PCDHGB1: variants seen among roughly 807,000 people sequenced by gnomAD.
The protein encoded by PCDHGB1 is protocadherin gamma subfamily B, 1.
Under a neutral mutation model 56.6 loss-of-function variants are expected in PCDHGB1, and 34 were observed. That is an observed-to-expected ratio of 0.60 (90% CI 0.46 to 0.80). The LOEUF (loss-of-function observed/expected upper bound fraction) is 0.80. Ranked by LOEUF, PCDHGB1 falls within the 30% of genes least tolerant of loss-of-function variation. PCDHGB1 has a pLI of 0.00. For synonymous variants in PCDHGB1, 561 were observed against 505.9 expected, an observed-to-expected ratio of 1.11 and a Z score of -1.46; for missense variants, 1,278 against 1,204.6, an observed-to-expected ratio of 1.06 and a Z score of -0.90.
rs1028782991 is a variant in PCDHGB1, at chr5:141,503,926, C to T, written c.2469-1467C>T. 2.6e-5 allele frequency among the ~76,000 whole-genome samples: 4 copies of T among 152,196 alleles called. No individual in the cohort carries two copies. The East Asian group carries it at 7.7e-4, about 29-fold the overall frequency. ...ACACACAACGCAACACACACACAGA[C>T]ATTTTCATGCCTTCAAGGCCTACCC... On this transcript the variant is annotated intron_variant, in intron 2 of 3. Coordinates refer to ENST00000523390, the MANE Select transcript of PCDHGB1 (RefSeq NM_018922.3).
chr5:141,421,530 C>T (rs377652360), intron 1 of PCDHGB1: 274 of 1,613,922 alleles, frequency 1.7e-4, no homozygotes, highest in Non-Finnish European at 2.3e-4. Flanking sequence ...AGACGGTGTC[C>T]TCCTGTTTTT....
chr5:141,376,914 C>G (rs1025348102), intron 1 of PCDHGB1: 2 of 179,598 alleles, frequency 1.1e-5, no homozygotes, highest in Non-Finnish European at 2.3e-5. Flanking sequence ...GTCTCGATCT[C>G]CTGACCTCAT....
intron 1 of PCDHGB1, chr5:141,403,602 G>A (rs761454619): frequency 5.0e-6 from 8 of 1,613,800 alleles, no homozygotes; most frequent in Non-Finnish European, 5.9e-6. Context: ...GCCTCGGATG[G>A]CGGCGAGCCG....
At chr5:141,369,790 A>G (rs1005074497) in intron 1 of PCDHGB1, among the ~76,000 whole-genome samples, 2 of 152,248 alleles carry the variant, frequency 1.3e-5, no homozygotes, top group African/African-American at 4.8e-5. Flanking sequence ...TCTTTATACT[A>G]CGTCTTCTGC....
intron 1 of PCDHGB1, chr5:141,355,229 A>T (rs1759766988): frequency 6.2e-7 from 1 of 1,611,188 alleles, no homozygotes. Context: ...CGCCCAGACC[A>T]CACCCGGCTG....
intron 1 of PCDHGB1, chr5:141,357,599 C>T (rs1279511012): frequency 6.2e-7 from 1 of 1,613,924 alleles, no homozygotes; most frequent in African/African-American, 1.3e-5. Flanking sequence ...TTACTTGAAA[C>T]AAAAGGAGAC....
At chr5:141,413,329 A>G (rs762420040) in intron 1 of PCDHGB1, 1 of 1,613,966 alleles carries the variant, frequency 6.2e-7, no homozygotes, top group Non-Finnish European at 8.5e-7. Context: ...CGTGGGCAAC[A>G]TCTCCAAGGA....
intron 1 of PCDHGB1, among the ~76,000 whole-genome samples, chr5:141,358,120 G>T (rs1004633411): frequency 5.9e-5 from 9 of 152,162 alleles, no homozygotes; most frequent in Non-Finnish European, 1.3e-4. Flanking sequence ...AACCTGGGAG[G>T]CAGAGGTTGC....
In PCDHGB1 at chr5:141,350,826, C is replaced by T. The variant is rs781126362; in HGVS notation, c.566C>T (p.Pro189Leu). The T allele has an allele frequency of 1.5e-5, 25 of 1,613,976 alleles. No homozygotes were observed. Among genetic ancestry groups the T allele is most frequent in the Middle Eastern group, 3.3e-4 (2 of 6,062 alleles). The change falls in exon 1 of 4, where the codon CCG becomes CTG. Residue 189 changes from proline to leucine, a missense_variant. By Grantham distance (98) the Pro-to-Leu change is moderately conservative. Transcript: ENST00000523390. ...GAAAGTCCTGATGGAAGTAAATATC[C>T]GGTATTACTGCTGGAAAAACCTCTA... ...TKESPDGSKY[P>L]VLLLEKPLDR...
chr5:141,433,837 C>CAA (rs56191208), intron 1 of PCDHGB1, among the ~76,000 whole-genome samples: 9,379 of 111,452 alleles, frequency 0.084, 424 homozygotes, highest in African/African-American at 0.14. Flanking sequence ...AACTCTATCT[C>CAA]AAAAAAAAAA....
intron 1 of PCDHGB1, chr5:141,414,732 T>G: frequency 6.2e-7 from 1 of 1,614,186 alleles, no homozygotes; most frequent in Non-Finnish European, 8.5e-7. Context: ...GCGTCCTGTA[T>G]GCACTCAGAT....
At chr5:141,420,050 C>T in intron 1 of PCDHGB1, 1 of 1,614,076 alleles carries the variant, frequency 6.2e-7, no homozygotes, top group Non-Finnish European at 8.5e-7. Flanking sequence ...TGAGTCAGTT[C>T]TCTGCTCCAA....
intron 1 of PCDHGB1, chr5:141,410,721 A>G (rs2154543206): frequency 1.5e-5 from 21 of 1,395,496 alleles, no homozygotes; most frequent in Non-Finnish European, 2.0e-5. Context: ...ATATGTTTAA[A>G]ATCCATAGCT....
intron 1 of PCDHGB1, chr5:141,355,109 T>C: frequency 2.0e-6 from 3 of 1,508,382 alleles, no homozygotes; most frequent in Non-Finnish European, 2.7e-6. Context: ...TGGCTGTGAA[T>C]GCACTTTATT....
chr5:141,489,222 A>C lies in PCDHGB1; in HGVS notation c.2410-5585A>C. On this transcript the variant is annotated intron_variant, in intron 1 of 3. Coordinates refer to ENST00000523390, the MANE Select transcript of PCDHGB1 (RefSeq NM_018922.3). The surrounding 1 kb of genome is among the most constrained non-coding windows in gnomAD (Gnocchi z 4.5). ...ACAGGACAGCACAGACTTACTCTCC[A>C]CAAAGGGACTTCTGGGTCATGGGGC... 6.6e-7 allele frequency: 1 copy of C among 1,515,652 alleles called. No individual in the cohort carries two copies. Among genetic ancestry groups the C allele is most frequent in the Middle Eastern group, 1.8e-4 (1 of 5,598 alleles). 93.9% of individuals were successfully genotyped at this position (1,515,652 alleles called of 1,614,324 possible).
At position 141,485,129 on chromosome 5, in the gene PCDHGB1, T is replaced by G. The variant is rs761201450; in HGVS notation, c.2410-9678T>G. 2.1e-6 allele frequency: 3 copies of G among 1,462,964 alleles called. No individual in the cohort carries two copies. Among genetic ancestry groups the G allele is most frequent in the Non-Finnish European group, 2.8e-6 (3 of 1,053,766 alleles). 90.6% of individuals were successfully genotyped at this position (1,462,964 alleles called of 1,614,324 possible). A position where few individuals can be genotyped will look rare whatever the true frequency, so the allele number is the denominator to read the frequency against. On this transcript the variant is annotated intron_variant, in intron 1 of 3. Coordinates refer to ENST00000523390, the MANE Select transcript of PCDHGB1 (RefSeq NM_018922.3). The surrounding 1 kb of genome is among the most constrained non-coding windows in gnomAD (Gnocchi z 5.7). ...TGTGGCTGTTTGGGGCGGGTCGGCT[T>G]CATCCGCGTCTCAGGAGCAAGTAGA...
chr5:141,408,533 G>A, intron 1 of PCDHGB1: 1 of 1,614,056 alleles, frequency 6.2e-7, no homozygotes, highest in Non-Finnish European at 8.5e-7. Flanking sequence ...AGCTGTGGTG[G>A]AAAATCCTTT....
At chr5:141,501,691 G>C (rs910322085) in intron 2 of PCDHGB1, among the ~76,000 whole-genome samples, 1 of 152,092 alleles carries the variant, frequency 6.6e-6, no homozygotes, top group Non-Finnish European at 1.5e-5. Context: ...CTTATCTGCA[G>C]GGTGATTCCG....
chr5:141,423,070 C>G, intron 1 of PCDHGB1: 1 of 1,614,132 alleles, frequency 6.2e-7, no homozygotes, highest in Non-Finnish European at 8.5e-7. Flanking sequence ...GGCCAGCGAG[C>G]CGGGACTCTT....
Sources: gnomAD v4.1 joint callset for allele counts (sites outside exome capture counted in the v4.1 genomes callset) on GRCh38, gnomAD v4.1.1 for gene constraint, Gnocchi (gnomAD v3.1) non-coding constraint, MANE v1.5 for transcripts, NCBI Gene and HGNC (gene_info 2026-07-23, HGNC 2026-07-21) for gene names.